CHD6: variants seen among roughly 807,000 people sequenced by gnomAD.
CHD6 encodes the protein chromodomain helicase DNA binding protein 6.
Under a neutral mutation model 276.9 loss-of-function variants are expected in CHD6, and 50 were observed. The observed-to-expected ratio is 0.18, with a 90% CI of 0.14 to 0.23. CHD6 has a LOEUF of 0.23. CHD6 is among the 10% of genes least tolerant of loss of function. The pLI, the probability that CHD6 is intolerant of heterozygous loss-of-function variation, is 1.00. For synonymous variants in CHD6, 1,173 were observed against 1,229.3 expected (o/e 0.95, Z 0.96); for missense variants, 2,564 against 3,365.8 (o/e 0.76, Z 5.89).
At position 41,598,218 on chromosome 20, in the gene CHD6, G is replaced by A. The variant is rs145522211; in HGVS notation, c.-24+20122C>T. Among the ~76,000 whole-genome samples the A allele has an allele frequency of 4.1e-3, 618 of 152,186 alleles. 6 individuals are homozygous for A. Among genetic ancestry groups the A allele is most frequent in the African/African-American group, 0.012 (503 of 41,518 alleles). ...TTTCTAGGGTATGGGAGCAGAGGTCGCAGGGGCAGACTCTACAGGATTTTT... is the reference window on the plus strand; with the variant it reads ...TTTCTAGGGTATGGGAGCAGAGGTCACAGGGGCAGACTCTACAGGATTTTT... On this transcript the variant is annotated intron_variant, in intron 1 of 36. Transcript: ENST00000373233.
chr20:41,556,573 C>T (rs2045240804), intron 1 of CHD6, among the ~76,000 whole-genome samples: 1 of 152,138 alleles, frequency 6.6e-6, no homozygotes, highest in African/African-American at 2.4e-5. Flanking sequence ...TGGCTAGCCT[C>T]TGAGGCAGAG....
intron 16 of CHD6, among the ~76,000 whole-genome samples, chr20:41,479,137 T>C (rs564896349): frequency 6.6e-6 from 1 of 151,512 alleles, no homozygotes; most frequent in African/African-American, 2.4e-5. Flanking sequence ...TGAAGACAGA[T>C]AAAAGAGAGA....
At chr20:41,590,810 C>T (rs921562350) in intron 1 of CHD6, among the ~76,000 whole-genome samples, 1 of 151,726 alleles carries the variant, frequency 6.6e-6, no homozygotes, top group Non-Finnish European at 1.5e-5. Flanking sequence ...GGCGATTCCT[C>T]AGGGATCTAG....
At chr20:41,566,044 G>A (rs1377027979) in intron 1 of CHD6, among the ~76,000 whole-genome samples, 1 of 152,104 alleles carries the variant, frequency 6.6e-6, no homozygotes, top group East Asian at 1.9e-4. Flanking sequence ...TGGTGACTCT[G>A]CTGACATCCA....
At chr20:41,467,311 G>A (rs2042943123) in intron 17 of CHD6, among the ~76,000 whole-genome samples, 1 of 151,888 alleles carries the variant, frequency 6.6e-6, no homozygotes, top group Admixed American at 6.6e-5. Context: ...ATGAGATAGA[G>A]AAAGAAACAT....
At chr20:41,496,389 G>A (rs772822893) in intron 8 of CHD6, among the ~76,000 whole-genome samples, 1 of 152,100 alleles carries the variant, frequency 6.6e-6, no homozygotes, top group Non-Finnish European at 1.5e-5. Flanking sequence ...TGGTTAGAAC[G>A]TCTCCTGGGT....
At chr20:41,491,914 C>T in intron 10 of CHD6, 95 bp from the exon 11 acceptor site, 1 of 1,379,222 alleles carries the variant, frequency 7.3e-7, no homozygotes, top group South Asian at 1.2e-5. Flanking sequence ...CTCACTGTCC[C>T]AAGGCTGGTT....
intron 2 of CHD6, among the ~76,000 whole-genome samples, chr20:41,546,243 C>T (rs954966953): frequency 6.6e-6 from 1 of 152,158 alleles, no homozygotes; most frequent in Non-Finnish European, 1.5e-5. Flanking sequence ...GAGATTCTCA[C>T]AGTATATCTG....
chr20:41,462,474 A>G lies in CHD6; in HGVS notation c.2665-5046T>C, dbSNP rs142161817. Among the ~76,000 whole-genome samples, 450 of 152,316 alleles carry G rather than the reference A, an allele frequency of 3.0e-3. 1 individual carries two copies. The highest frequency in any genetic ancestry group is 0.01 in the African/African-American group (422 of 41,572). On this transcript the variant is annotated intron_variant, in intron 17 of 36. Transcript: ENST00000373233. ...ACTTGAAAGTAGGTTTATTTTCTGTAGTTGCAAGGTTAGCAATCCTGAAAC... is the reference window on the plus strand; with the variant it reads ...ACTTGAAAGTAGGTTTATTTTCTGTGGTTGCAAGGTTAGCAATCCTGAAAC...
chr20:41,490,927 T>G (rs1222218874), intron 11 of CHD6, among the ~76,000 whole-genome samples: 1 of 152,070 alleles, frequency 6.6e-6, no homozygotes, highest in African/African-American at 2.4e-5. Flanking sequence ...ATCTGGCACA[T>G]GTACCCTAGA....
chr20:41,419,185 G>GA (rs757210405), intron 31 of CHD6, among the ~76,000 whole-genome samples: 3 of 152,114 alleles, frequency 2.0e-5, no homozygotes, highest in African/African-American at 4.8e-5. Flanking sequence ...TGGCTTCTCG[G>GA]TTTTTATCTT....
intron 36 of CHD6, among the ~76,000 whole-genome samples, chr20:41,405,802 G>T (rs1015515036): frequency 6.6e-6 from 1 of 152,026 alleles, no homozygotes; most frequent in African/African-American, 2.4e-5. Flanking sequence ...AAGAGAGTGG[G>T]GAGCTGGAGA....
At chr20:41,488,383 G>A in intron 13 of CHD6, 45 bp downstream of exon 13, 1 of 1,527,182 alleles carries the variant, frequency 6.5e-7, no homozygotes, top group South Asian at 1.2e-5. Flanking sequence ...CCTCCAAGCT[G>A]AACAAAAGGA....
intron 1 of CHD6, among the ~76,000 whole-genome samples, chr20:41,598,243 TC>T: frequency 6.6e-6 from 1 of 152,236 alleles, no homozygotes; most frequent in African/African-American, 2.4e-5. Context: ...ACAGGATTTT[TC>T]AAAATTAGTT....
Position 41,533,152 on chromosome 20 carries a change from G to T in CHD6, c.452C>A (p.Ala151Glu), listed in dbSNP as rs745593837. ...EHKEPKQKDG[A>E]KKARKPREAS... ...CTCCCGGGGCTTCCGTGCCTTCTTT[G>T]CCCCATCTTTTTGCTTCGGCTCCTT... Residue 151 changes from alanine (A) to glutamate (E), a missense_variant, in exon 3 of 37, where the codon GCA becomes GAA. By Grantham distance (107) the Ala-to-Glu change is moderately radical. This residue lies in a region of CHD6 where 286 missense variants were observed against 297.8 expected (regional missense o/e 0.96). Coordinates refer to ENST00000373233, the MANE Select transcript of CHD6 (RefSeq NM_032221.5). 3.5e-5 allele frequency: 57 copies of T among 1,614,016 alleles called. No individual in the cohort carries two copies. Among genetic ancestry groups the T allele is most frequent in the Non-Finnish European group, 4.5e-5 (53 of 1,180,032 alleles).
At chr20:41,583,948 A>G (rs2045566723) in intron 1 of CHD6, among the ~76,000 whole-genome samples, 1 of 152,132 alleles carries the variant, frequency 6.6e-6, no homozygotes, top group African/African-American at 2.4e-5. Flanking sequence ...GCAGGAATAA[A>G]GAGGAAAGGG....
intron 36 of CHD6, 54 bp downstream of exon 36, chr20:41,412,090 G>A (rs201751957): frequency 3.7e-6 from 6 of 1,603,980 alleles, no homozygotes; most frequent in African/African-American, 2.7e-5. Context: ...TGTAAGGCAC[G>A]GCTCAACCAG....
intron 3 of CHD6, among the ~76,000 whole-genome samples, chr20:41,522,722 T>C (rs2044434268): frequency 1.3e-5 from 2 of 151,980 alleles, no homozygotes; most frequent in Admixed American, 6.6e-5. Context: ...TATATACATA[T>C]ATACACTTTA....
At chr20:41,550,881 C>T (rs2045135586) in intron 2 of CHD6, among the ~76,000 whole-genome samples, 1 of 152,174 alleles carries the variant, frequency 6.6e-6, no homozygotes, top group Non-Finnish European at 1.5e-5. Flanking sequence ...TCACTATTCT[C>T]TCTAGGGGGA....
Sources: gnomAD v4.1 joint callset for allele counts (sites outside exome capture counted in the v4.1 genomes callset) on GRCh38, gnomAD v4.1.1 for gene constraint, gnomAD v4.1.1 regional missense constraint, MANE v1.5 for transcripts, NCBI Gene and HGNC (gene_info 2026-07-23, HGNC 2026-07-21) for gene names.